The following RBAK variants were observed in gnomAD, a reference collection of about 807,000 sequenced individuals.
RBAK encodes RB-associated KRAB zinc finger protein.
Under a neutral mutation model 65.8 loss-of-function variants are expected in RBAK, and 39 were observed. The observed-to-expected ratio is 0.59, with a 90% CI of 0.46 to 0.77. RBAK has a LOEUF of 0.77. Among genes scored for constraint, RBAK ranks in the 30% least tolerant of loss-of-function variants. RBAK has a pLI of 0.00. For synonymous variants in RBAK, 343 were observed against 289.7 expected (o/e 1.18, Z -1.87); for missense variants, 884 against 855.1 (o/e 1.03, Z -0.42).
In RBAK at chr7:5,066,977, C is replaced by T. The variant is rs373832317; in HGVS notation, c.*1376C>T. ...CACCACCTGTAGAAAAGTAATCTGG[C>T]ATGCAGAACATTCTTGTGGTACAAT... On this transcript the variant is annotated 3_prime_UTR_variant, in exon 5 of 5. Coordinates refer to ENST00000396912, the MANE Select transcript of RBAK (RefSeq NM_021163.4). The T allele has an allele frequency of 5.9e-5, 9 of 152,250 alleles. No individual in the cohort carries two copies. The South Asian group carries it at 1.9e-3, about 32-fold the overall frequency. The allele number at this position is 152,250 out of a possible 1,614,324, so 9.4% of individuals were successfully genotyped here.
At chr7:5,052,092 T>A (rs1216227050) in intron 2 of RBAK, among the ~76,000 whole-genome samples, 1 of 152,268 alleles carries the variant, frequency 6.6e-6, no homozygotes, top group Non-Finnish European at 1.5e-5. Context: ...TACATCCTGT[T>A]GATTAATTAA....
intron 2 of RBAK, among the ~76,000 whole-genome samples, chr7:5,051,328 ATAT>A (rs1788112453): frequency 6.6e-6 from 1 of 152,164 alleles, no homozygotes; most frequent in Non-Finnish European, 1.5e-5. Flanking sequence ...GCATATATAC[ATAT>A]ATGTGTGTAC....
At position 5,066,520 on chromosome 7, in the gene RBAK, C is replaced by G. The variant is rs1779221911; in HGVS notation, c.*919C>G. 6.6e-6 allele frequency: 1 copy of G among 152,132 alleles called. No individual in the cohort carries two copies. The highest frequency in any genetic ancestry group is 2.1e-4 in the South Asian group (1 of 4,826). The allele number at this position is 152,132 out of a possible 1,614,324, so 9.4% of individuals were successfully genotyped here. A position where few individuals can be genotyped will look rare whatever the true frequency, so the allele number is the denominator to read the frequency against. ...CTCTCACACCACCCTTGTTTTTTAA[C>G]CCATAGGTTTGAGTGTGCCTAGTGC... On this transcript the variant is annotated 3_prime_UTR_variant, in exon 5 of 5. Coordinates refer to ENST00000396912, the MANE Select transcript of RBAK (RefSeq NM_021163.4).
intron 4 of RBAK, among the ~76,000 whole-genome samples, chr7:5,061,780 C>G (rs1015775266): frequency 2.6e-5 from 4 of 151,790 alleles, no homozygotes; most frequent in Non-Finnish European, 5.9e-5. Flanking sequence ...TGCCTGTAAT[C>G]CCAGCTACTT....
intron 1 of RBAK, among the ~76,000 whole-genome samples, chr7:5,047,159 G>A (rs953052758): frequency 6.6e-6 from 1 of 152,140 alleles, no homozygotes; most frequent in Non-Finnish European, 1.5e-5. Flanking sequence ...AGCACTTTGC[G>A]GGGGCTAAGG....
intron 4 of RBAK, among the ~76,000 whole-genome samples, chr7:5,058,577 A>T (rs1236516503): frequency 1.3e-5 from 2 of 152,198 alleles, no homozygotes; most frequent in Non-Finnish European, 2.9e-5. Flanking sequence ...GAACTGAGTC[A>T]CAGCTTGTGG....
rs146666703 is a variant in RBAK, at chr7:5,054,126, C to T, written c.16-3169C>T. On this transcript the variant is annotated intron_variant, in intron 2 of 4. Coordinates refer to ENST00000396912, the MANE Select transcript of RBAK (RefSeq NM_021163.4). ...AGTGCCTTGAAAACCATTGCTTCAG[C>T]CCGGGCGTGGTGGCTCATACCTGTA... Among the ~76,000 whole-genome samples the T allele has an allele frequency of 5.3e-5, 8 of 152,152 alleles. No homozygotes were observed. In the East Asian group the frequency reaches 1.5e-3, roughly 29 times the overall value.
rs1276902646 is a variant in RBAK at position 5,065,219 on chromosome 7, T to C, written c.1763T>C (p.Val588Ala). 6.2e-7 allele frequency: 1 copy of C among 1,613,472 alleles called. No individual in the cohort carries two copies. Among genetic ancestry groups the C allele is most frequent in the Admixed American group, 1.7e-5 (1 of 59,952 alleles). ...TCATCCCTCTTCAGACATCAAAGAG[T>C]ACACACAGGCGAGAAACCCTATGAA... The part of the protein sequence containing the change: ...HNSSLFRHQR[V>A]HTGEKPYECY... Residue 588 changes from valine (V) to alanine (A), a missense_variant, in exon 5 of 5, where the codon GTA (valine) becomes GCA (alanine). Transcript: ENST00000396912. This position sits in a 1 kb window ranked among gnomAD's most constrained non-coding sequence, Gnocchi z 5.3.
chr7:5,051,353 TA>T (rs1788113710), intron 2 of RBAK, among the ~76,000 whole-genome samples: 3 of 152,164 alleles, frequency 2.0e-5, no homozygotes, highest in Admixed American at 1.3e-4. Flanking sequence ...TATTTTTATA[TA>T]TTTTTTTTCT....
chr7:5,064,869 C>A lies in RBAK; in HGVS notation c.1413C>A (p.Ala471=), dbSNP rs773271464. The A allele has an allele frequency of 6.2e-7, 1 of 1,613,788 alleles. No homozygotes were observed. Among genetic ancestry groups the A allele is most frequent in the East Asian group, 2.2e-5 (1 of 44,854 alleles). ...ECGKTFNLNS[A]FIRHRKVHTE... ...GCAAAACCTTCAATTTAAATTCAGC[C>A]TTCATTAGACATCGGAAAGTACACA... Residue 471 remains alanine, a synonymous_variant, in exon 5 of 5, where the codon GCC becomes GCA. Transcript: ENST00000396912. This position sits in a 1 kb window ranked among gnomAD's most constrained non-coding sequence, Gnocchi z 6.3.
rs756431386 is a variant in RBAK, at chr7:5,046,222, C to G, written c.-219C>G. On this transcript the variant is annotated 5_prime_UTR_variant, in exon 1 of 5. Coordinates refer to ENST00000396912, the MANE Select transcript of RBAK (RefSeq NM_021163.4). The stretch of plus-strand genomic sequence containing the variant: ...GCCCGAGGGAGGCGGATCTGGGTCC[C>G]GGGAAGGACACCCGCCTGGATTTGC... The G allele has an allele frequency of 2.0e-6, 1 of 502,642 alleles. No individual in the cohort carries two copies. The highest frequency in any genetic ancestry group is 1.4e-5 in the South Asian group (1 of 69,308). 31.1% of individuals were successfully genotyped at this position (502,642 alleles called of 1,614,324 possible).
Position 5,064,507 on chromosome 7 carries a change from G to T in RBAK, c.1051G>T (p.Gly351Trp). Reference sequence around the variant, plus strand: ...GAAACCCTACGAATGTAGCGAATGTGGGAAAACCTTCTGCCAAAAGACACA... The same window carrying T: ...GAAACCCTACGAATGTAGCGAATGTTGGAAAACCTTCTGCCAAAAGACACA... ...GEKPYECSEC[G>W]KTFCQKTHLT... Residue 351 changes from glycine to tryptophan, a missense_variant, in exon 5 of 5, where the codon GGG (glycine) becomes TGG (tryptophan). Coordinates refer to ENST00000396912, the MANE Select transcript of RBAK (RefSeq NM_021163.4). This position sits in a 1 kb window ranked among gnomAD's most constrained non-coding sequence, Gnocchi z 6.3. The T allele has an allele frequency of 6.2e-7, 1 of 1,614,002 alleles. No homozygotes were observed. Among genetic ancestry groups the T allele is most frequent in the Non-Finnish European group, 8.5e-7 (1 of 1,179,948 alleles).
Position 5,066,230 on chromosome 7 carries a change from CAT to C in RBAK, c.*632_*633del, listed in dbSNP as rs1422745509. The C allele has an allele frequency of 6.6e-6, 1 of 152,468 alleles. No homozygotes were observed. 9.4% of individuals were successfully genotyped at this position (152,468 alleles called of 1,614,324 possible). On this transcript the variant is annotated 3_prime_UTR_variant, in exon 5 of 5. Transcript: ENST00000396912. ...GATGGCAAAATGTATTAAGACAGGA[CAT>C]ATTGTTGGTGAGATAATATTTAATA...
Position 5,066,962 on chromosome 7 carries a change from A to G in RBAK, c.*1361A>G, listed in dbSNP as rs1356017878. 1.3e-5 allele frequency: 2 copies of G among 152,190 alleles called. No homozygotes were observed. Among genetic ancestry groups the G allele is most frequent in the Non-Finnish European group, 2.9e-5 (2 of 68,008 alleles). The allele number at this position is 152,190 out of a possible 1,614,324, so 9.4% of individuals were successfully genotyped here. ...TCAGTTGCTATTATACACCACCTGTAGAAAAGTAATCTGGCATGCAGAACA... is the reference window on the plus strand; with the variant it reads ...TCAGTTGCTATTATACACCACCTGTGGAAAAGTAATCTGGCATGCAGAACA... On this transcript the variant is annotated 3_prime_UTR_variant, in exon 5 of 5. Coordinates refer to ENST00000396912, the MANE Select transcript of RBAK (RefSeq NM_021163.4).
intron 4 of RBAK, among the ~76,000 whole-genome samples, chr7:5,059,409 C>T (rs952923091): frequency 1.3e-5 from 2 of 152,070 alleles, no homozygotes; most frequent in Admixed American, 6.6e-5. Context: ...CAGCCTCCCC[C>T]TCCCAGGTTC....
At position 5,067,250 on chromosome 7, in the gene RBAK, C is replaced by T. The variant is rs1779242791; in HGVS notation, c.*1649C>T. The T allele has an allele frequency of 6.6e-6, 1 of 152,062 alleles. No individual in the cohort carries two copies. The highest frequency in any genetic ancestry group is 6.6e-5 in the Admixed American group (1 of 15,254). 9.4% of individuals were successfully genotyped at this position (152,062 alleles called of 1,614,324 possible). The stretch of plus-strand genomic sequence containing the variant: ...CATAGAGATTAGAAAAGAAGTAAAA[C>T]TTTAAAAACGAAAAAGAATATAAAT... On this transcript the variant is annotated 3_prime_UTR_variant, in exon 5 of 5. Coordinates refer to ENST00000396912, the MANE Select transcript of RBAK (RefSeq NM_021163.4).
At chr7:5,062,254 G>T (rs1415149952) in intron 4 of RBAK, among the ~76,000 whole-genome samples, 1 of 152,144 alleles carries the variant, frequency 6.6e-6, no homozygotes, top group Non-Finnish European at 1.5e-5. Context: ...AGTCACGTAG[G>T]TTCTTTTCTA....
In RBAK at chr7:5,064,382, G is replaced by A. The variant is rs1779161683; in HGVS notation, c.926G>A (p.Arg309Lys). The stretch of plus-strand genomic sequence containing the variant: ...AAGGGAACCCTCACTGTACATCGGA[G>A]ATCACACTTAGAGGAGAAGCCCTAT... The part of the protein sequence containing the change: ...SQKGTLTVHR[R>K]SHLEEKPYKC... The change falls in exon 5 of 5, where the codon AGA becomes AAA. Residue 309 changes from arginine to lysine, a missense_variant. Coordinates refer to ENST00000396912, the MANE Select transcript of RBAK (RefSeq NM_021163.4). This position sits in a 1 kb window ranked among gnomAD's most constrained non-coding sequence, Gnocchi z 6.3. The A allele has an allele frequency of 3.7e-6, 6 of 1,613,992 alleles. No individual in the cohort carries two copies. In the East Asian group the frequency reaches 1.3e-4, roughly 36 times the overall value.
chr7:5,055,871 C>G (rs548704617), intron 2 of RBAK, among the ~76,000 whole-genome samples: 13 of 152,014 alleles, frequency 8.6e-5, no homozygotes, highest in African/African-American at 2.9e-4. Context: ...CACAGCCTAG[C>G]GGCCCTGCCT....
Sources: allele counts gnomAD v4.1 joint callset (sites outside exome capture counted in the v4.1 genomes callset), GRCh38; gene constraint gnomAD v4.1.1; non-coding constraint Gnocchi (gnomAD v3.1); transcripts MANE v1.5; gene names NCBI Gene and HGNC (gene_info 2026-07-23, HGNC 2026-07-21).